Variants in CORO2B observed in about 807,000 individuals in gnomAD.
CORO2B encodes coronin-2B.
A neutral mutation model predicts 58.8 loss-of-function variants in CORO2B; 26 were observed. That is an observed-to-expected ratio of 0.44 (90% CI 0.32 to 0.61). CORO2B has a LOEUF of 0.61. CORO2B is among the 20% of genes least tolerant of loss of function. CORO2B has a pLI of 0.04. For missense variants in CORO2B, 460 were observed against 645.1 expected (o/e 0.71, Z 3.11); for synonymous variants, 242 against 253.8 (o/e 0.95, Z 0.44).
chr15:68,575,422 C>G (rs1310809157), upstream of CORO2B, among the ~76,000 whole-genome samples: 1 of 87,688 alleles, frequency 1.1e-5, no homozygotes, highest in Admixed American at 1.3e-4. Flanking sequence ...ACTGCAACCT[C>G]CGCCTCCCAA....
chr15:68,721,185 TA>T (rs35013919), intron 11 of CORO2B, among the ~76,000 whole-genome samples: 105,675 of 151,856 alleles, frequency 0.7, 37,202 homozygotes, highest in East Asian at 0.87. Context: ...CCTGGCCCAC[TA>T]ATCACTATTA....
the CORO2B span, among the ~76,000 whole-genome samples, chr15:68,568,254 C>A: frequency 6.6e-6 from 1 of 152,130 alleles, no homozygotes; most frequent in East Asian, 1.9e-4. Flanking sequence ...CCCTTCCCTG[C>A]ACTGCCCCCC....
chr15:68,646,203 C>G lies in CORO2B; in HGVS notation c.216+843C>G, dbSNP rs536670293. On this transcript the variant is annotated intron_variant, in intron 2 of 11. Coordinates refer to ENST00000261861, the MANE Select transcript of CORO2B (RefSeq NM_006091.5). ...CTTACGTGAATATAACAGATTAAATCTGAAAAACCTAGATCATGAAATTTT... is the reference window on the plus strand; with the variant it reads ...CTTACGTGAATATAACAGATTAAATGTGAAAAACCTAGATCATGAAATTTT... 8.4e-4 allele frequency among the ~76,000 whole-genome samples: 128 copies of G among 152,222 alleles called. 1 individual carries two copies. Among genetic ancestry groups the G allele is most frequent in the African/African-American group, 3.0e-3 (123 of 41,536 alleles).
the CORO2B span, among the ~76,000 whole-genome samples, chr15:68,562,410 C>G: frequency 6.6e-6 from 1 of 152,150 alleles, no homozygotes; most frequent in African/African-American, 2.4e-5. Context: ...CTAGGATGGT[C>G]CTGATTTTCC....
the CORO2B span, among the ~76,000 whole-genome samples, chr15:68,532,227 A>C: frequency 2.0e-5 from 3 of 152,130 alleles, no homozygotes; most frequent in Admixed American, 1.3e-4. Context: ...ATTTTCTCCA[A>C]TATTTCTTAA....
At chr15:68,527,260 G>A in the CORO2B span, among the ~76,000 whole-genome samples, 2 of 151,826 alleles carry the variant, frequency 1.3e-5, no homozygotes, top group African/African-American at 4.8e-5. Flanking sequence ...TCCCAGCTAG[G>A]CAATCCTTGC....
chr15:68,568,633 T>C, the CORO2B span, among the ~76,000 whole-genome samples: 1 of 152,232 alleles, frequency 6.6e-6, no homozygotes, highest in Admixed American at 6.5e-5. Flanking sequence ...CATTTACAAC[T>C]TCTTTTTATA....
At chr15:68,577,724 CAAAAA>C (rs11389925), upstream of CORO2B, among the ~76,000 whole-genome samples, 6 of 108,808 alleles carry the variant, frequency 5.5e-5, no homozygotes, top group Admixed American at 1.0e-4. Flanking sequence ...ACTCCGGTCT[CAAAAA>C]AAAAAAAAAA....
Position 68,718,580 on chromosome 15 carries a change from G to A in CORO2B, c.968-118G>A, listed in dbSNP as rs1033934939. On this transcript the variant is annotated intron_variant, in intron 8 of 11. Transcript: ENST00000261861. ...CTACCCCCTGCCCTCTGCATGGGCC[G>A]TTGCCTCCAAACCTAAGTACATTCC... The A allele has an allele frequency of 1.3e-4, 108 of 834,842 alleles. 3 individuals carry two copies. In the Middle Eastern group the frequency reaches 1.6e-3, roughly 12 times the overall value. 51.7% of individuals were successfully genotyped at this position (834,842 alleles called of 1,614,324 possible).
chr15:68,684,936 G>A (rs905077408), intron 2 of CORO2B, among the ~76,000 whole-genome samples: 3 of 152,184 alleles, frequency 2.0e-5, no homozygotes, highest in African/African-American at 7.2e-5. Flanking sequence ...TCATAGAAGA[G>A]AGAGCCAGGA....
chr15:68,576,744 G>A (rs779245182), upstream of CORO2B, among the ~76,000 whole-genome samples: 13 of 152,240 alleles, frequency 8.5e-5, no homozygotes, highest in South Asian at 2.1e-4. Flanking sequence ...TGGACAGCTC[G>A]CTGGTGGGAA....
intron 2 of CORO2B, among the ~76,000 whole-genome samples, chr15:68,647,762 C>G (rs973111164): frequency 1.3e-4 from 20 of 150,742 alleles, no homozygotes; most frequent in African/African-American, 4.9e-4. Context: ...AATCCCAACA[C>G]TTTGGGAGGC....
intron 2 of CORO2B, among the ~76,000 whole-genome samples, chr15:68,653,405 TC>T (rs1901702402): frequency 6.6e-6 from 1 of 152,064 alleles, no homozygotes; most frequent in African/African-American, 2.4e-5. Flanking sequence ...TCACAGTAGA[TC>T]CTCAGCCAAG....
intron 11 of CORO2B, among the ~76,000 whole-genome samples, chr15:68,719,988 TG>T (rs1893123899): frequency 6.6e-6 from 1 of 152,236 alleles, no homozygotes; most frequent in South Asian, 2.1e-4. Context: ...AGGTGCTCTC[TG>T]TACCACTTGG....
At chr15:68,712,762 C>A (rs973508360) in intron 5 of CORO2B, among the ~76,000 whole-genome samples, 2 of 152,080 alleles carry the variant, frequency 1.3e-5, no homozygotes, top group African/African-American at 4.8e-5. Context: ...TGCTGTTACT[C>A]CTCTCATGTG....
rs1261771963 is a variant in CORO2B at position 68,725,882 on chromosome 15, C to G, written c.1351C>G (p.Arg451Gly). The change falls in exon 12 of 12, where the codon CGG (arginine) becomes GGG (glycine). Residue 451 changes from arginine to glycine, a missense_variant. Transcript: ENST00000261861. ...CTTCCGGCAGCAGGATGAGATTCGA[C>G]GGTTGAAAGAGGAGCTGGCCCAGAA... ...MFFRQQDEIRRLKEELAQKDI... is the reference protein window; with the variant it reads ...MFFRQQDEIRGLKEELAQKDI... 1 of 1,614,002 alleles carries G rather than the reference C, an allele frequency of 6.2e-7. No individual in the cohort carries two copies.
chr15:68,702,361 TCCTCTAGCAA>T (rs763389269), intron 3 of CORO2B, among the ~76,000 whole-genome samples: 4 of 152,116 alleles, frequency 2.6e-5, no homozygotes, highest in Non-Finnish European at 4.4e-5. Context: ...ACTTCATGCA[TCCTCTAGCAA>T]CCCCCTCCCA....
chr15:68,531,594 G>GAGA, the CORO2B span, among the ~76,000 whole-genome samples: 13 of 146,440 alleles, frequency 8.9e-5, no homozygotes, highest in Non-Finnish European at 1.8e-4. Flanking sequence ...GAGAAAGAAA[G>GAGA]AAGGAAGGAA....
intron 1 of CORO2B, among the ~76,000 whole-genome samples, chr15:68,592,164 T>C (rs1031285163): frequency 3.3e-5 from 5 of 151,992 alleles, no homozygotes; most frequent in African/African-American, 1.2e-4. Flanking sequence ...CCAAGAGTTG[T>C]GACAAGTTCA....
Sources: allele counts gnomAD v4.1 joint callset (sites outside exome capture counted in the v4.1 genomes callset), GRCh38; gene constraint gnomAD v4.1.1; transcripts MANE v1.5; gene names NCBI Gene and HGNC (gene_info 2026-07-23, HGNC 2026-07-21).